Variants in TBKBP1 observed in about 807,000 individuals in gnomAD.
The protein encoded by TBKBP1 is TBK1 binding protein 1.
TBKBP1 carries 47 observed loss-of-function variants against 69.9 expected under a neutral mutation model. That is an observed-to-expected ratio of 0.67 (90% CI 0.53 to 0.86). The LOEUF (loss-of-function observed/expected upper bound fraction) is 0.86. TBKBP1 is among the 40% of genes least tolerant of loss of function. The pLI, the probability that TBKBP1 is intolerant of heterozygous loss-of-function variation, is 0.00. For missense variants in TBKBP1, 831 were observed against 858.6 expected, an observed-to-expected ratio of 0.97 and a Z score of 0.40; for synonymous variants, 418 against 390.3, an observed-to-expected ratio of 1.07 and a Z score of -0.84.
chr17:47,696,436 T>A (rs1222156703), intron 2 of TBKBP1, 99 bp downstream of exon 2: 2 of 1,377,924 alleles, frequency 1.5e-6, no homozygotes, highest in Non-Finnish European at 2.0e-6. Flanking sequence ...GGGGTCACTG[T>A]GCAGACTCTT....
Position 47,708,852 on chromosome 17 carries a change from C to T in TBKBP1, c.1119C>T (p.Pro373=), listed in dbSNP as rs2031798053. 2.1e-6 allele frequency: 3 copies of T among 1,422,014 alleles called. No homozygotes were observed. The highest frequency in any genetic ancestry group is 2.7e-6 in the Non-Finnish European group (3 of 1,092,588). 88.1% of individuals were successfully genotyped at this position (1,422,014 alleles called of 1,614,324 possible). A position where few individuals can be genotyped will look rare whatever the true frequency, so the allele number is the denominator to read the frequency against. Reference sequence around the variant, plus strand: ...CCCCCGTCCCCCAGCGCCGCTCTCCCGTGCCCCCGTGCCCCTCGCCGCAGC... The same window carrying T: ...CCCCCGTCCCCCAGCGCCGCTCTCCTGTGCCCCCGTGCCCCTCGCCGCAGC... ...CQSPVPQRRS[P]VPPCPSPQQR... Residue 373 remains proline (P), a synonymous_variant, in exon 9 of 10, where the codon CCC becomes CCT. Transcript: ENST00000578982. This position sits in a 1 kb window ranked among gnomAD's most constrained non-coding sequence, Gnocchi z 4.4.
At chr17:47,702,985 CGG>C (rs199975174) in intron 7 of TBKBP1, among the ~76,000 whole-genome samples, 4 of 12,666 alleles carry the variant, frequency 3.2e-4, no homozygotes, top group African/African-American at 8.0e-4. Flanking sequence ...AGGGGAAATG[CGG>C]GGGGGGGAAC....
At position 47,709,026 on chromosome 17, in the gene TBKBP1, G is replaced by T; in HGVS notation, c.1293G>T (p.Pro431=). Reference sequence around the variant, plus strand: ...CCCCGCAGCCCCGGCCACCGCCGCCGCCCCCGCCGGGCGAGAGGACGCTGG... The same window carrying T: ...CCCCGCAGCCCCGGCCACCGCCGCCTCCCCCGCCGGGCGAGAGGACGCTGG... ...CPAPQPRPPP[P]PPPGERTLAE... Residue 431 remains proline, a synonymous_variant, in exon 9 of 10, where the codon CCG becomes CCT. Coordinates refer to ENST00000578982, the MANE Select transcript of TBKBP1 (RefSeq NM_001394755.1). The T allele has an allele frequency of 2.4e-6, 3 of 1,226,348 alleles. No homozygotes were observed. The South Asian group carries it at 7.0e-5, about 28-fold the overall frequency. 76.0% of individuals were successfully genotyped at this position (1,226,348 alleles called of 1,614,324 possible). A position where few individuals can be genotyped will look rare whatever the true frequency, so the allele number is the denominator to read the frequency against.
chr17:47,699,501 T>C lies in TBKBP1; in HGVS notation c.810+6T>C, dbSNP rs201969982. 5.0e-5 allele frequency: 80 copies of C among 1,590,468 alleles called. No homozygotes were observed. In the African/African-American group the frequency reaches 9.8e-4, roughly 20 times the overall value. Reference sequence around the variant, plus strand: ...TGCAGGAGACCCGGGCCCAGGTAAATGCAGGGGCCTGGAACAGCTTCTGGA... The same window carrying C: ...TGCAGGAGACCCGGGCCCAGGTAAACGCAGGGGCCTGGAACAGCTTCTGGA... On this transcript the variant is annotated splice_donor_region_variant and intron_variant, in intron 6 of 9. Transcript: ENST00000578982.
At chr17:47,698,996 C>T (rs939514021) in intron 5 of TBKBP1, among the ~76,000 whole-genome samples, 9 of 152,090 alleles carry the variant, frequency 5.9e-5, no homozygotes, top group African/African-American at 1.9e-4. Context: ...AATTCCTGTG[C>T]CTGCCAGCAG....
At position 47,709,241 on chromosome 17, in the gene TBKBP1, T is replaced by A. The variant is rs1300025263; in HGVS notation, c.1508T>A (p.Leu503His). Residue 503 changes from leucine (L) to histidine (H), a missense_variant, in exon 9 of 10, where the codon CTC becomes CAC. Transcript: ENST00000578982. ...GSELYGPGRP[L>H]SPRRAFEGIR... ...GAGCTCTACGGCCCTGGCAGGCCCC[T>A]CAGCCCGCGGCGCGCCTTCGAGGGC... The A allele has an allele frequency of 6.6e-6, 10 of 1,523,782 alleles. No individual in the cohort carries two copies. Among genetic ancestry groups the A allele is most frequent in the Non-Finnish European group, 8.7e-6 (10 of 1,144,846 alleles). 94.4% of individuals were successfully genotyped at this position (1,523,782 alleles called of 1,614,324 possible).
intron 4 of TBKBP1, among the ~76,000 whole-genome samples, chr17:47,697,496 G>A (rs1226842777): frequency 1.3e-5 from 2 of 152,048 alleles, no homozygotes; most frequent in African/African-American, 2.4e-5. Context: ...GGGTGACCCT[G>A]TGCCTGTGAG....
At chr17:47,703,206 C>T (rs1255182061) in intron 7 of TBKBP1, among the ~76,000 whole-genome samples, 1 of 152,004 alleles carries the variant, frequency 6.6e-6, no homozygotes, top group Admixed American at 6.6e-5. Context: ...GCACCACCTC[C>T]CCCCCCACCC....
At position 47,699,377 on chromosome 17, in the gene TBKBP1, A is replaced by T; in HGVS notation, c.692A>T (p.Glu231Val). The change falls in exon 6 of 10, where the codon GAG (glutamate) becomes GTG (valine). Residue 231 changes from glutamate to valine, a missense_variant. Glu to Val is a moderately radical substitution (Grantham distance 121). Transcript: ENST00000578982. ...VSDLERRRLE[E>V]ALEAAQGEAR... The stretch of plus-strand genomic sequence containing the variant: ...GACCTGGAGCGGCGGCGGCTAGAAG[A>T]GGCTTTGGAGGCCGCGCAGGGAGAG... 5.8e-6 allele frequency: 9 copies of T among 1,561,676 alleles called. No homozygotes were observed. The highest frequency in any genetic ancestry group is 7.8e-6 in the Non-Finnish European group (9 of 1,159,158).
chr17:47,694,886 GGA>G (rs1233730351), intron 1 of TBKBP1, among the ~76,000 whole-genome samples: 29 of 64,944 alleles, frequency 4.5e-4, no homozygotes, highest in Non-Finnish European at 7.4e-4. Flanking sequence ...TGTGGGTGGC[GGA>G]GGGGGGGGGG....
intron 7 of TBKBP1, among the ~76,000 whole-genome samples, chr17:47,707,510 A>G (rs776031410): frequency 1.9e-4 from 29 of 152,252 alleles, no homozygotes; most frequent in Non-Finnish European, 3.8e-4. Context: ...GCCCTGGACA[A>G]GGTGGTGGGA....
intron 9 of TBKBP1, 100 bp downstream of exon 9, chr17:47,709,552 C>T (rs2143368702): frequency 1.4e-6 from 2 of 1,383,412 alleles, no homozygotes; most frequent in Non-Finnish European, 1.9e-6. Context: ...TTTCGGGTGT[C>T]AGCGCACAAA....
chr17:47,694,886 G>A, intron 1 of TBKBP1, among the ~76,000 whole-genome samples: 1 of 64,944 alleles, frequency 1.5e-5, no homozygotes, highest in South Asian at 7.0e-4. Flanking sequence ...TGTGGGTGGC[G>A]GAGGGGGGGG....
chr17:47,710,908 C>A lies in TBKBP1; in HGVS notation c.*282C>A. ...GGGACGGCATACCCCTCCCAGGCCT[C>A]TCCCTCTGCCTTTCTGTTCTTAATC... On this transcript the variant is annotated 3_prime_UTR_variant, in exon 10 of 10. Transcript: ENST00000578982. 1 of 321,446 alleles carries A rather than the reference C, an allele frequency of 3.1e-6. No individual in the cohort carries two copies. The highest frequency in any genetic ancestry group is 5.8e-6 in the Non-Finnish European group (1 of 173,224). 19.9% of individuals were successfully genotyped at this position (321,446 alleles called of 1,614,324 possible). A position where few individuals can be genotyped will look rare whatever the true frequency, so the allele number is the denominator to read the frequency against.
intron 7 of TBKBP1, among the ~76,000 whole-genome samples, chr17:47,699,932 C>T (rs1597959236): frequency 6.6e-6 from 1 of 151,510 alleles, no homozygotes; most frequent in South Asian, 2.1e-4. Context: ...AAGCAATTCT[C>T]CTGCCTCAGC....
rs1486479333 is a variant in TBKBP1, at chr17:47,709,340, A to G, written c.1607A>G (p.Glu536Gly). ...GTGCCCACCAGCCCGCCCAGCCCGG[A>G]GGTGGGCACCATCCGCTGCGCCTCC... ...WAVPTSPPSP[E>G]VGTIRCASFC... The change falls in exon 9 of 10, where the codon GAG (glutamate) becomes GGG (glycine). Residue 536 changes from glutamate (E) to glycine (G), a missense_variant. Physicochemically the swap from Glu to Gly is moderately conservative, Grantham distance 98. Transcript: ENST00000578982. The G allele has an allele frequency of 2.6e-6, 4 of 1,526,476 alleles. No homozygotes were observed. In the South Asian group the frequency reaches 3.6e-5, roughly 14 times the overall value. 94.6% of individuals were successfully genotyped at this position (1,526,476 alleles called of 1,614,324 possible).
chr17:47,699,678 A>C lies in TBKBP1; in HGVS notation c.853A>C (p.Lys285Gln). ...GTCGGAGCGAGACATGGCGTGGGTG[A>C]AAAGAGTTGGGGATGATCAGTAAGT... ...NQSERDMAWV[K>Q]RVGDDQVNLA... The change falls in exon 7 of 10, where the codon AAA becomes CAA. Residue 285 changes from lysine (K) to glutamine (Q), a missense_variant. Transcript: ENST00000578982. The C allele has an allele frequency of 6.2e-7, 1 of 1,613,924 alleles. No homozygotes were observed. Among genetic ancestry groups the C allele is most frequent in the Non-Finnish European group, 8.5e-7 (1 of 1,179,862 alleles).
In TBKBP1 at chr17:47,699,302, T is replaced by TGTCCTGTCCACCGACG; in HGVS notation, c.635-3_635-2insGGTCCTGTCCACCGAC. ...GGAGGCAGCTGAGCTCGCCTGACGTTGTCCTGTCCACCGACAGCAGGCTGG... is the reference window on the plus strand; with the variant it reads ...GGAGGCAGCTGAGCTCGCCTGACGTTGTCCTGTCCACCGACGGTCCTGTCCACCGACAGCAGGCTGG... On this transcript the variant is annotated splice_polypyrimidine_tract_variant and intron_variant, in intron 5 of 9. Transcript: ENST00000578982. The TGTCCTGTCCACCGACG allele has an allele frequency of 6.6e-7, 1 of 1,508,396 alleles. No individual in the cohort carries two copies. The highest frequency in any genetic ancestry group is 2.3e-5 in the East Asian group (1 of 43,682). The allele number at this position is 1,508,396 out of a possible 1,614,324, so 93.4% of individuals were successfully genotyped here. A position where few individuals can be genotyped will look rare whatever the true frequency, so the allele number is the denominator to read the frequency against.
In TBKBP1 at chr17:47,711,841, C is replaced by T. The variant is rs2031935922; in HGVS notation, c.*1215C>T. On this transcript the variant is annotated 3_prime_UTR_variant, in exon 10 of 10. Transcript: ENST00000578982. ...CGACAGCGCATGTCCCGCTCTTATC[C>T]AACTCTTCCAGGCCCCACCTCCCTG... 1 of 152,602 alleles carries T rather than the reference C, an allele frequency of 6.6e-6. No individual in the cohort carries two copies. The highest frequency in any genetic ancestry group is 2.4e-5 in the African/African-American group (1 of 41,414). The allele number at this position is 152,602 out of a possible 1,614,324, so 9.5% of individuals were successfully genotyped here.
Sources: gnomAD v4.1 joint callset for allele counts (sites outside exome capture counted in the v4.1 genomes callset) on GRCh38, gnomAD v4.1.1 for gene constraint, Gnocchi (gnomAD v3.1) non-coding constraint, MANE v1.5 for transcripts, NCBI Gene and HGNC (gene_info 2026-07-23, HGNC 2026-07-21) for gene names.